The following RHOU variants were observed in gnomAD, a reference collection of about 807,000 sequenced individuals.
RHOU encodes the protein rho-related GTP-binding protein RhoU.
RHOU carries 8 observed loss-of-function variants against 12.6 expected under a neutral mutation model. The ratio of observed to expected loss-of-function variants is 0.64; its 90% CI spans 0.37 to 1.15. The LOEUF is 1.15. Ranked by LOEUF, RHOU falls within the 50% of genes most tolerant of loss-of-function variation. RHOU has a pLI of 0.01. For synonymous variants in RHOU, 161 were observed against 147.4 expected (o/e 1.09, Z -0.67); for missense variants, 258 against 347.0 (o/e 0.74, Z 2.04).
chr1:228,658,209 G>A, the RHOU span, among the ~76,000 whole-genome samples: 1 of 150,986 alleles, frequency 6.6e-6, no homozygotes. Context: ...GAGCCTGGGA[G>A]GTCAAGGCTG....
the RHOU span, among the ~76,000 whole-genome samples, chr1:228,710,276 T>C: frequency 3.7e-4 from 57 of 152,140 alleles, no homozygotes; most frequent in African/African-American, 1.2e-3. Flanking sequence ...TTCCACTCAA[T>C]AGAAAAAGAG....
chr1:228,682,053 T>C, the RHOU span, among the ~76,000 whole-genome samples: 2 of 152,208 alleles, frequency 1.3e-5, no homozygotes, highest in Non-Finnish European at 2.9e-5. Context: ...GGGTAGGCTG[T>C]CTTCCTAAGT....
the RHOU span, among the ~76,000 whole-genome samples, chr1:228,716,285 T>C: frequency 1.3e-5 from 2 of 152,200 alleles, no homozygotes; most frequent in African/African-American, 4.8e-5. Context: ...GCCCCCTTCC[T>C]GTGGATAATT....
At chr1:228,742,264 A>C (rs949009471) in intron 2 of RHOU, among the ~76,000 whole-genome samples, 1 of 152,246 alleles carries the variant, frequency 6.6e-6, no homozygotes, top group African/African-American at 2.4e-5. Flanking sequence ...TTTTCTGTAA[A>C]GAAATGGTAA....
upstream of RHOU, among the ~76,000 whole-genome samples, chr1:228,731,166 T>C (rs1164309125): frequency 6.6e-6 from 1 of 152,070 alleles, no homozygotes; most frequent in African/African-American, 2.4e-5. Context: ...TTTTAGGGGA[T>C]TATGAGCAAG....
chr1:228,741,833 TACAGAAGCCTCAC>T (rs1020950635), intron 2 of RHOU, among the ~76,000 whole-genome samples: 1 of 152,218 alleles, frequency 6.6e-6, no homozygotes, highest in African/African-American at 2.4e-5. Context: ...AACTTTCGCT[TACAGAAGCCTCAC>T]AAGTGACATT....
the RHOU span, among the ~76,000 whole-genome samples, chr1:228,669,155 G>A: frequency 6.6e-6 from 1 of 152,200 alleles, no homozygotes; most frequent in East Asian, 1.9e-4. Context: ...GTAGTACACT[G>A]GACTTGAACT....
rs1023196138 is a variant in RHOU, at chr1:228,743,286, A to G, written c.323A>G (p.Asp108Gly). 1.9e-6 allele frequency: 3 copies of G among 1,610,808 alleles called. No individual in the cohort carries two copies. In the African/African-American group the frequency reaches 4.0e-5, roughly 22 times the overall value. Residue 108 changes from aspartate (D) to glycine (G), a missense_variant and splice_region_variant, in exon 3 of 3, where the codon GAT (aspartate) becomes GGT (glycine). Physicochemically the swap from Asp to Gly is moderately conservative, Grantham distance 94 (BLOSUM62 -1). Transcript: ENST00000366691. The surrounding 1 kb of genome is among the most constrained non-coding windows in gnomAD (Gnocchi z 5.1). ...TTTGGGTACTTTGCTTGGTTGCAGG[A>G]TGAATTTGACAAGCTGAGGCCTCTC... Reference protein sequence around the residue: ...RLQLCDTAGQDEFDKLRPLCY... With the variant: ...RLQLCDTAGQGEFDKLRPLCY...
the RHOU span, among the ~76,000 whole-genome samples, chr1:228,729,912 C>T: frequency 1.7e-4 from 26 of 152,236 alleles, no homozygotes; most frequent in Non-Finnish European, 3.2e-4. Flanking sequence ...AGTATCAGCA[C>T]ATCCAACCAA....
the RHOU span, among the ~76,000 whole-genome samples, chr1:228,654,350 T>A: frequency 6.6e-6 from 1 of 152,110 alleles, no homozygotes; most frequent in Non-Finnish European, 1.5e-5. Context: ...CAAGCCATAC[T>A]CCAACCTCAG....
chr1:228,739,433 G>A (rs746662107), intron 2 of RHOU, among the ~76,000 whole-genome samples: 14 of 152,062 alleles, frequency 9.2e-5, no homozygotes, highest in Non-Finnish European at 1.5e-4. Flanking sequence ...GTGTGGTGCC[G>A]GGCGCCTGTA....
At chr1:228,720,556 G>A in the RHOU span, among the ~76,000 whole-genome samples, 2 of 152,134 alleles carry the variant, frequency 1.3e-5, no homozygotes, top group Non-Finnish European at 2.9e-5. Flanking sequence ...CTAGCACACA[G>A]ACACATACAA....
the RHOU span, chr1:228,650,098 C>T: frequency 4.7e-6 from 2 of 424,704 alleles, no homozygotes; most frequent in South Asian, 1.7e-5. Context: ...AGAACTCTAA[C>T]AGGTACTCTT....
upstream of RHOU, among the ~76,000 whole-genome samples, chr1:228,733,440 T>C (rs1379369176): frequency 6.6e-6 from 1 of 152,170 alleles, no homozygotes; most frequent in Non-Finnish European, 1.5e-5. Context: ...CTGGAGTATT[T>C]GGATTACAGG....
chr1:228,682,226 G>A, the RHOU span, among the ~76,000 whole-genome samples: 1 of 152,248 alleles, frequency 6.6e-6, no homozygotes, highest in African/African-American at 2.4e-5. Flanking sequence ...TGAAATTGGT[G>A]AGATATTCCT....
the RHOU span, among the ~76,000 whole-genome samples, chr1:228,680,890 G>A: frequency 1.3e-5 from 2 of 152,134 alleles, no homozygotes; most frequent in Non-Finnish European, 2.9e-5. Context: ...GCTATACCTG[G>A]GGAATCTGCC....
At chr1:228,691,667 T>C in the RHOU span, among the ~76,000 whole-genome samples, 1 of 152,306 alleles carries the variant, frequency 6.6e-6, no homozygotes, top group Non-Finnish European at 1.5e-5. Flanking sequence ...TCTTAGTAAT[T>C]TCCAAGTTTT....
At chr1:228,647,171 G>C in the RHOU span, among the ~76,000 whole-genome samples, 1 of 152,242 alleles carries the variant, frequency 6.6e-6, no homozygotes, top group Non-Finnish European at 1.5e-5. Context: ...CGGCCAGGCG[G>C]CCCGTGCGAG....
the RHOU span, among the ~76,000 whole-genome samples, chr1:228,669,216 G>A: frequency 6.6e-6 from 1 of 152,214 alleles, no homozygotes; most frequent in South Asian, 2.1e-4. Flanking sequence ...GGCTGTTCCT[G>A]CTAGCAGGGT....
Sources: allele counts gnomAD v4.1 joint callset (sites outside exome capture counted in the v4.1 genomes callset), GRCh38; gene constraint gnomAD v4.1.1; non-coding constraint Gnocchi (gnomAD v3.1); transcripts MANE v1.5; gene names NCBI Gene and HGNC (gene_info 2026-07-23, HGNC 2026-07-21).